The following C3 variants were observed in gnomAD, a reference collection of about 807,000 sequenced individuals.
C3 encodes the protein complement C3.
A neutral mutation model predicts 207.9 loss-of-function variants in C3; 97 were observed. The observed-to-expected ratio is 0.47, with a 90% CI of 0.40 to 0.55. The LOEUF (loss-of-function observed/expected upper bound fraction) is 0.55. Among genes scored for constraint, C3 ranks in the 20% least tolerant of loss-of-function variants. The pLI, the probability that C3 is intolerant of heterozygous loss-of-function variation, is 0.00. For synonymous variants in C3, 848 were observed against 857.6 expected, an observed-to-expected ratio of 0.99 and a Z score of 0.20; for missense variants, 1,684 against 2,171.7, an observed-to-expected ratio of 0.78 and a Z score of 4.46.
In C3 at chr19:6,695,180, G is replaced by A. The variant is rs1967505084; in HGVS notation, c.2951-546C>T. On this transcript the variant is annotated intron_variant, in intron 23 of 40. Coordinates refer to ENST00000245907, the MANE Select transcript of C3 (RefSeq NM_000064.4). ...AGCTACTTGGGAGGCTGAGGCACAAGAATCACTTGAACCCGGGAGGCTGGG... is the reference window on the plus strand; with the variant it reads ...AGCTACTTGGGAGGCTGAGGCACAAAAATCACTTGAACCCGGGAGGCTGGG... Among the ~76,000 whole-genome samples, 3 of 150,750 alleles carry A rather than the reference G, an allele frequency of 2.0e-5. No individual in the cohort carries two copies. The South Asian group carries it at 6.3e-4, about 32-fold the overall frequency.
intron 26 of C3, among the ~76,000 whole-genome samples, chr19:6,691,523 G>A (rs11569502): frequency 0.11 from 16,036 of 152,158 alleles, 1,019 homozygotes; most frequent in Non-Finnish European, 0.13. Flanking sequence ...GAAACAGCAT[G>A]TGCAAAGGCC....
rs780269222 is a variant in C3, at chr19:6,677,957, G to T, written c.4917C>A (p.Asp1639Glu). ...CCTGGCATTGTTTCTGGTTCTCTTC[G>T]TCTTGGCATTCGTCCTCCTCGGGCC... ...EHWPEEDECQ[D>E]EENQKQCQDL... The change falls in exon 41 of 41, where the codon GAC (aspartate) becomes GAA (glutamate). Residue 1639 changes from aspartate to glutamate, a missense_variant. Asp to Glu is a conservative substitution (Grantham distance 45). This residue lies in a region of C3 where 346 missense variants were observed against 380.1 expected (regional missense o/e 0.91). Transcript: ENST00000245907. 6.2e-7 allele frequency: 1 copy of T among 1,614,018 alleles called. No homozygotes were observed. Among genetic ancestry groups the T allele is most frequent in the Non-Finnish European group, 8.5e-7 (1 of 1,180,034 alleles).
intron 37 of C3, 33 bp from the exon 38 acceptor site, chr19:6,679,241 C>T (rs1917795927): frequency 1.3e-6 from 2 of 1,586,980 alleles, no homozygotes; most frequent in African/African-American, 2.7e-5. Context: ...GGTCTAAGTC[C>T]CACTCCTTAT....
At chr19:6,720,363 G>A (rs1968136178) in intron 1 of C3, among the ~76,000 whole-genome samples, 153 bp downstream of exon 1, 1 of 152,104 alleles carries the variant, frequency 6.6e-6, no homozygotes, top group Admixed American at 6.5e-5. Flanking sequence ...AAACTCACAG[G>A]CAGCCCAAAT....
At chr19:6,709,334 G>C (rs576368989) in intron 14 of C3, among the ~76,000 whole-genome samples, 1 of 152,184 alleles carries the variant, frequency 6.6e-6, no homozygotes, top group South Asian at 2.1e-4. Context: ...TGTAGTCCCA[G>C]CTACTAGGGA....
chr19:6,714,632 C>G (rs752938129), intron 4 of C3, among the ~76,000 whole-genome samples, 186 bp from the exon 5 acceptor site: 2 of 152,136 alleles, frequency 1.3e-5, no homozygotes, highest in Admixed American at 1.3e-4. Flanking sequence ...GAGGCTGAGG[C>G]GGGCAGATCA....
At chr19:6,682,929 T>C (rs1293400021) in intron 33 of C3, 1 of 155,092 alleles carries the variant, frequency 6.4e-6, no homozygotes, top group Non-Finnish European at 1.4e-5. Flanking sequence ...ATGCCAGAAG[T>C]GAACTTCAAA....
In C3 at chr19:6,713,507, A is replaced by G; in HGVS notation, c.776T>C (p.Phe259Ser). Reference sequence around the variant, plus strand: ...TCCCTCCACTTTCTTCCCGTAGAGGAACCTACGGGACAGACAAGGAGGGCT... The same window carrying G: ...TCCCTCCACTTTCTTCCCGTAGAGGGACCTACGGGACAGACAAGGAGGGCT... ...KGLEVTITAR[F>S]LYGKKVEGTA... The change falls in exon 8 of 41, where the codon TTC becomes TCC. Residue 259 changes from phenylalanine (F) to serine (S), a missense_variant and splice_region_variant. By Grantham distance (155) the Phe-to-Ser change is radical. Around this residue, in one of 3 missense-constraint regions of C3, gnomAD observed 1,280 missense variants for 1,739.1 expected, o/e 0.74. Transcript: ENST00000245907. The G allele has an allele frequency of 1.2e-6, 2 of 1,607,852 alleles. No homozygotes were observed. Among genetic ancestry groups the G allele is most frequent in the Non-Finnish European group, 1.7e-6 (2 of 1,174,560 alleles).
At chr19:6,713,659 C>G in intron 7 of C3, 150 bp from the exon 8 acceptor site, 1 of 622,052 alleles carries the variant, frequency 1.6e-6, no homozygotes, top group South Asian at 1.7e-5. Flanking sequence ...CTGGCCCCAC[C>G]CCCAGCCCCC....
At chr19:6,700,001 G>A (rs1369495889) in intron 19 of C3, among the ~76,000 whole-genome samples, 3 of 147,720 alleles carry the variant, frequency 2.0e-5, no homozygotes, top group Non-Finnish European at 4.5e-5. Context: ...ATGTTAACAT[G>A]TCAACAATAA....
rs200523897 is a variant in C3, at chr19:6,714,307, G to A, written c.599+45C>T. ...CTCGGAGCCCCCCTGCTCCCTCTCC[G>A]GGGATAGGGGAGCCCTGAGCCCCCT... On this transcript the variant is annotated intron_variant, in intron 5 of 40. Coordinates refer to ENST00000245907, the MANE Select transcript of C3 (RefSeq NM_000064.4). 20 of 1,606,148 alleles carry A rather than the reference G, an allele frequency of 1.2e-5. 1 individual carries two copies. The highest frequency in any genetic ancestry group is 6.7e-5 in the African/African-American group (5 of 74,920).
intron 24 of C3, 81 bp downstream of exon 24, chr19:6,694,350 C>T: frequency 7.7e-7 from 1 of 1,306,766 alleles, no homozygotes; most frequent in Non-Finnish European, 1.1e-6. Context: ...AGGGCGTGGT[C>T]TTGAGATGAG....
At chr19:6,687,724 G>GTA (rs1442778594) in intron 27 of C3, among the ~76,000 whole-genome samples, 3 of 152,178 alleles carry the variant, frequency 2.0e-5, no homozygotes, top group African/African-American at 7.2e-5. Context: ...AACCCCAAGA[G>GTA]TATAGATTAT....
chr19:6,717,045 G>C (rs932320197), intron 4 of C3: 2 of 152,730 alleles, frequency 1.3e-5, no homozygotes, highest in Non-Finnish European at 2.9e-5. Context: ...GATGGCCCGT[G>C]TGGCTCCAGA....
chr19:6,694,330 G>A (rs1218641098), intron 24 of C3, 101 bp downstream of exon 24: 22 of 1,017,656 alleles, frequency 2.2e-5, no homozygotes, highest in South Asian at 5.4e-5. Flanking sequence ...AGAAGGTGGA[G>A]CCTCAGGGGA....
chr19:6,720,462 TCTG>T (rs766118594), intron 1 of C3, 51 bp downstream of exon 1: 2 of 1,329,738 alleles, frequency 1.5e-6, no homozygotes, highest in Non-Finnish European at 2.1e-6. Flanking sequence ...CCCCCAAATG[TCTG>T]CTTCCACCCC....
intron 17 of C3, chr19:6,702,989 A>G: frequency 3.9e-6 from 1 of 258,720 alleles, no homozygotes; most frequent in Non-Finnish European, 7.6e-6. Context: ...AGCTGAGATC[A>G]CACGACTACA....
intron 26 of C3, among the ~76,000 whole-genome samples, chr19:6,691,998 A>G (rs867008584): frequency 1.1e-5 from 1 of 93,708 alleles, no homozygotes; most frequent in East Asian, 2.8e-4. Context: ...AAACACACAC[A>G]CACACACACA....
rs769532482 is a variant in C3 at position 6,692,941 on chromosome 19, T to C, written c.3373A>G (p.Ile1125Val). Reference sequence around the variant, plus strand: ...CCTCTTACAATCATTTCTTGGTGTATCACGGGCGCATCCTCCTGGAAGACC... The same window carrying C: ...CCTCTTACAATCATTTCTTGGTGTACCACGGGCGCATCCTCCTGGAAGACC... Reference protein sequence around the residue: ...DGVFQEDAPVIHQEMIGGLRN... With the variant: ...DGVFQEDAPVVHQEMIGGLRN... Residue 1125 changes from isoleucine (I) to valine (V), a missense_variant, in exon 26 of 41, where the codon ATA becomes GTA. By Grantham distance (29) the Ile-to-Val change is conservative. Transcript: ENST00000245907. 2 of 1,614,124 alleles carry C rather than the reference T, an allele frequency of 1.2e-6. No homozygotes were observed. The highest frequency in any genetic ancestry group is 2.2e-5 in the South Asian group (2 of 91,086).
Sources: gnomAD v4.1 joint callset for allele counts (sites outside exome capture counted in the v4.1 genomes callset) on GRCh38, gnomAD v4.1.1 for gene constraint, gnomAD v4.1.1 regional missense constraint, MANE v1.5 for transcripts, NCBI Gene and HGNC (gene_info 2026-07-23, HGNC 2026-07-21) for gene names.